The following CD28 variants were observed in gnomAD, a reference collection of about 807,000 sequenced individuals.
CD28 encodes T-cell-specific surface glycoprotein CD28.
In CD28, 8 loss-of-function variants were observed where a neutral mutation model predicts 21.4. The observed-to-expected ratio is 0.37, with a 90% confidence interval of 0.22 to 0.68. The LOEUF (loss-of-function observed/expected upper bound fraction) is 0.68, where lower values mean the gene tolerates loss of function less well. Ranked by LOEUF, CD28 falls within the 30% of genes least tolerant of loss-of-function variation. CD28 has a pLI of 0.55. For missense variants in CD28, 239 were observed against 272.2 expected (o/e 0.88, Z 0.86); for synonymous variants, 106 against 104.0 (o/e 1.02, Z -0.12).
At chr2:203,717,904 A>T (rs902188111) in intron 1 of CD28, among the ~76,000 whole-genome samples, 8 of 152,212 alleles carry the variant, frequency 5.3e-5, no homozygotes, top group African/African-American at 1.9e-4. Flanking sequence ...TCAAGATAAC[A>T]GTCAACAGAA....
At position 203,734,940 on chromosome 2, in the gene CD28, G is replaced by C; in HGVS notation, c.*28G>C. 6.2e-7 allele frequency: 1 copy of C among 1,609,734 alleles called. No homozygotes were observed. The highest frequency in any genetic ancestry group is 2.2e-5 in the East Asian group (1 of 44,856). Reference sequence around the variant, plus strand: ...CGGACGCCTATCCAGAAGCCAGCCGGCTGGCAGCCCCCATCTGCTCAATAT... The same window carrying C: ...CGGACGCCTATCCAGAAGCCAGCCGCCTGGCAGCCCCCATCTGCTCAATAT... On this transcript the variant is annotated 3_prime_UTR_variant, in exon 4 of 4. Coordinates refer to ENST00000324106, the MANE Select transcript of CD28 (RefSeq NM_006139.4).
In CD28 at chr2:203,737,124, A is replaced by G. The variant is rs1404914966; in HGVS notation, c.*2212A>G. ...GCACCTCCCACTTTTATGTATAGAA[A>G]GAGGTCTTTTAATTTTTTTTTAATG... On this transcript the variant is annotated 3_prime_UTR_variant, in exon 4 of 4. Coordinates refer to ENST00000324106, the MANE Select transcript of CD28 (RefSeq NM_006139.4). The G allele has an allele frequency of 6.6e-6, 1 of 152,174 alleles. No individual in the cohort carries two copies. The highest frequency in any genetic ancestry group is 2.4e-5 in the African/African-American group (1 of 41,434). 9.4% of individuals were successfully genotyped at this position (152,174 alleles called of 1,614,324 possible).
intron 1 of CD28, among the ~76,000 whole-genome samples, chr2:203,709,021 C>T (rs1693240372): frequency 6.6e-6 from 1 of 151,744 alleles, no homozygotes; most frequent in Admixed American, 6.6e-5. Flanking sequence ...ACTTGTGAGG[C>T]TTAGGCAGGA....
chr2:203,709,073 G>A (rs897165902), intron 1 of CD28, among the ~76,000 whole-genome samples: 33 of 150,808 alleles, frequency 2.2e-4, no homozygotes, highest in Non-Finnish European at 4.6e-4. Flanking sequence ...TGTGAACTTA[G>A]ATTGCACCCC....
chr2:203,734,717 G>T, intron 3 of CD28, 67 bp from the exon 4 acceptor site: 2 of 1,568,082 alleles, frequency 1.3e-6, no homozygotes, highest in Non-Finnish European at 1.8e-6. Context: ...ATGAATAGTT[G>T]TGCCCACAGT....
intron 2 of CD28, among the ~76,000 whole-genome samples, chr2:203,727,623 G>GT (rs57191141): frequency 0.77 from 115,908 of 150,038 alleles, 44,893 homozygotes; most frequent in East Asian, 0.92. Flanking sequence ...GGGACTACAG[G>GT]GCCCGCCACC....
chr2:203,730,465 G>A (rs971343317), intron 3 of CD28, among the ~76,000 whole-genome samples: 5 of 152,082 alleles, frequency 3.3e-5, no homozygotes, highest in African/African-American at 9.7e-5. Context: ...TTTGATGAAC[G>A]CACCTACAGT....
chr2:203,721,327 T>C (rs1693600009), intron 1 of CD28, among the ~76,000 whole-genome samples: 2 of 152,180 alleles, frequency 1.3e-5, no homozygotes, highest in Admixed American at 1.3e-4. Context: ...TCAGTAGATC[T>C]TCATCACCTT....
intron 1 of CD28, among the ~76,000 whole-genome samples, chr2:203,718,460 G>A (rs1693521480): frequency 6.6e-6 from 1 of 152,138 alleles, no homozygotes; most frequent in Admixed American, 6.5e-5. Context: ...ATATCACAGG[G>A]CAAAATGGCT....
chr2:203,710,039 C>T (rs1693268349), intron 1 of CD28, among the ~76,000 whole-genome samples: 2 of 152,198 alleles, frequency 1.3e-5, no homozygotes, highest in African/African-American at 2.4e-5. Context: ...GCCAATGACT[C>T]CCCTGAGCTG....
intron 3 of CD28, among the ~76,000 whole-genome samples, chr2:203,732,792 A>G (rs1454753747): frequency 2.0e-5 from 3 of 152,212 alleles, no homozygotes; most frequent in Non-Finnish European, 2.9e-5. Flanking sequence ...CCAGCCATGC[A>G]TCTGTCATTT....
chr2:203,725,365 C>T (rs1693716306), intron 1 of CD28, among the ~76,000 whole-genome samples: 1 of 151,674 alleles, frequency 6.6e-6, no homozygotes, highest in Non-Finnish European at 1.5e-5. Context: ...CTCAGTGCTT[C>T]AGTGGTCTAT....
Position 203,733,114 on chromosome 2 carries a change from T to G in CD28, c.535-1670T>G, listed in dbSNP as rs182948124. 7.8e-4 allele frequency among the ~76,000 whole-genome samples: 119 copies of G among 152,296 alleles called. 2 individuals carry two copies. Among genetic ancestry groups the G allele is most frequent in the Admixed American group, 7.7e-3 (118 of 15,292 alleles). Reference sequence around the variant, plus strand: ...CACTCATCTGGGGACAGACATTTCCTCGGCCTCACCCCTGCCCTGCTGTGA... The same window carrying G: ...CACTCATCTGGGGACAGACATTTCCGCGGCCTCACCCCTGCCCTGCTGTGA... On this transcript the variant is annotated intron_variant, in intron 3 of 3. Transcript: ENST00000324106.
rs1398921784 is a variant in CD28 at position 203,737,389 on chromosome 2, C to T, written c.*2477C>T. On this transcript the variant is annotated 3_prime_UTR_variant, in exon 4 of 4. Transcript: ENST00000324106. ...CAGATTGTATTTGAAAATGACAGAG[C>T]TGGAGAGTTTTTTGAAATGGCAGTG... is the stretch of plus-strand genomic sequence containing the variant. 6 of 152,252 alleles carry T rather than the reference C, an allele frequency of 3.9e-5. No individual in the cohort carries two copies. The South Asian group carries it at 1.2e-3, about 32-fold the overall frequency. The allele number at this position is 152,252 out of a possible 1,614,324, so 9.4% of individuals were successfully genotyped here.
At chr2:203,730,846 G>A (rs1693871331) in intron 3 of CD28, among the ~76,000 whole-genome samples, 2 of 152,130 alleles carry the variant, frequency 1.3e-5, no homozygotes, top group South Asian at 4.1e-4. Flanking sequence ...TTCATAGATG[G>A]GTCAGTGATT....
At chr2:203,718,742 T>C (rs2106114152) in intron 1 of CD28, among the ~76,000 whole-genome samples, 1 of 152,286 alleles carries the variant, frequency 6.6e-6, no homozygotes, top group African/African-American at 2.4e-5. Flanking sequence ...GGTGCTACGA[T>C]AAAGAAAAGG....
chr2:203,726,926 G>A lies in CD28; in HGVS notation c.346G>A (p.Val116Ile), dbSNP rs746558866. 6.2e-7 allele frequency: 1 copy of A among 1,613,562 alleles called. No homozygotes were observed. The highest frequency in any genetic ancestry group is 1.1e-5 in the South Asian group (1 of 91,060). Reference protein sequence around the residue: ...QTDIYFCKIEVMYPPPYLDNE... With the variant: ...QTDIYFCKIEIMYPPPYLDNE... ...AGATATTTACTTCTGCAAAATTGAA[G>A]TTATGTATCCTCCTCCTTACCTAGA... Residue 116 changes from valine to isoleucine, a missense_variant, in exon 2 of 4, where the codon GTT becomes ATT. By Grantham distance (29) the Val-to-Ile change is conservative. This residue lies in a region of CD28 where 23 missense variants were observed against 50.9 expected (regional missense o/e 0.45). Transcript: ENST00000324106.
Position 203,716,542 on chromosome 2 carries a change from C to T in CD28, c.52+9794C>T, listed in dbSNP as rs184620059. 9.5e-4 allele frequency among the ~76,000 whole-genome samples: 144 copies of T among 152,238 alleles called. 1 individual carries two copies. The highest frequency in any genetic ancestry group is 1.4e-3 in the Non-Finnish European group (94 of 68,028). ...CAGCAGAAGTCAGAATACCAAAGGA[C>T]GATTCTGTGACACATCAAAATTTCT... On this transcript the variant is annotated intron_variant, in intron 1 of 3. Transcript: ENST00000324106.
At chr2:203,731,183 A>G (rs1693879629) in intron 3 of CD28, among the ~76,000 whole-genome samples, 1 of 152,202 alleles carries the variant, frequency 6.6e-6, no homozygotes, top group Admixed American at 6.5e-5. Flanking sequence ...GCCTTCTGCA[A>G]GTTGCCCAAC....
Sources: allele counts gnomAD v4.1 joint callset (sites outside exome capture counted in the v4.1 genomes callset), GRCh38; gene constraint gnomAD v4.1.1; regional missense constraint gnomAD v4.1.1; transcripts MANE v1.5; gene names NCBI Gene and HGNC (gene_info 2026-07-23, HGNC 2026-07-21).